The following ROBO1 variants were observed in gnomAD, a reference collection of about 807,000 sequenced individuals.
ROBO1 encodes roundabout guidance receptor 1.
In ROBO1, 149 loss-of-function variants were observed where a neutral mutation model predicts 195.9. That is an observed-to-expected ratio of 0.76 (90% CI 0.67 to 0.87). ROBO1 has a LOEUF of 0.87. Ranked by LOEUF, ROBO1 falls within the 40% of genes least tolerant of loss-of-function variation. ROBO1 has a pLI of 0.00. For missense variants in ROBO1, 1,933 were observed against 2,068.3 expected (o/e 0.93, Z 1.27); for synonymous variants, 816 against 733.2 (o/e 1.11, Z -1.82).
chr3:78,747,703 G>T (rs1013704868), intron 4 of ROBO1, among the ~76,000 whole-genome samples: 47 of 152,170 alleles, frequency 3.1e-4, no homozygotes, highest in African/African-American at 1.0e-3. Flanking sequence ...ATTCACTATT[G>T]TAATTTCAAC....
chr3:79,054,039 T>C (rs2078755639), intron 3 of ROBO1, among the ~76,000 whole-genome samples: 1 of 152,126 alleles, frequency 6.6e-6, no homozygotes, highest in Non-Finnish European at 1.5e-5. Flanking sequence ...CTGGGACCTT[T>C]TGGCAAAAGC....
chr3:78,645,999 C>A, intron 21 of ROBO1, 149 bp downstream of exon 21: 1 of 660,872 alleles, frequency 1.5e-6, no homozygotes, highest in Non-Finnish European at 2.6e-6. Flanking sequence ...CTTGTTTCAA[C>A]AGCATAGCTG....
chr3:79,401,819 A>G (rs1289595424), intron 2 of ROBO1, among the ~76,000 whole-genome samples: 1 of 151,850 alleles, frequency 6.6e-6, no homozygotes, highest in East Asian at 1.9e-4. Flanking sequence ...TATAACCATA[A>G]AAATAAAATG....
rs570477410 is a variant in ROBO1 at position 79,057,935 on chromosome 3, C to G, written c.172+67521G>C. Among the ~76,000 whole-genome samples the G allele has an allele frequency of 3.9e-5, 6 of 152,134 alleles. No homozygotes were observed. The South Asian group carries it at 1.2e-3, about 32-fold the overall frequency. ...GTTACTATGGGTTACAGATACCCCC[C>G]TCTGTGCCTCAGACATGCACCTGGT... is the stretch of plus-strand genomic sequence containing the variant. On this transcript the variant is annotated intron_variant, in intron 3 of 30. Transcript: ENST00000464233.
At chr3:79,040,013 G>T (rs2078455671) in intron 3 of ROBO1, among the ~76,000 whole-genome samples, 1 of 151,976 alleles carries the variant, frequency 6.6e-6, no homozygotes, top group Non-Finnish European at 1.5e-5. Flanking sequence ...CTTTGACATG[G>T]TTGTCTTTCT....
intron 4 of ROBO1, among the ~76,000 whole-genome samples, chr3:78,816,422 A>G (rs1377419622): frequency 2.6e-5 from 4 of 152,140 alleles, no homozygotes. Context: ...ATTTGCTAAC[A>G]CAACACCCAT....
At chr3:78,817,630 G>A (rs1008130628) in intron 4 of ROBO1, among the ~76,000 whole-genome samples, 1 of 152,070 alleles carries the variant, frequency 6.6e-6, no homozygotes, top group African/African-American at 2.4e-5. Flanking sequence ...AAAAAAATCA[G>A]AAAATTAAGA....
chr3:79,482,650 A>G (rs1264145473), intron 2 of ROBO1, among the ~76,000 whole-genome samples: 6 of 152,212 alleles, frequency 3.9e-5, no homozygotes, highest in Non-Finnish European at 5.9e-5. Context: ...CATATAAATA[A>G]TAATAAGGAT....
intron 3 of ROBO1, among the ~76,000 whole-genome samples, chr3:79,101,337 A>C (rs959363928): frequency 6.6e-6 from 1 of 151,828 alleles, no homozygotes; most frequent in African/African-American, 2.4e-5. Context: ...TCTTATTAAC[A>C]ATTTGTGATT....
chr3:79,753,650 T>G (rs949173423), intron 1 of ROBO1, among the ~76,000 whole-genome samples: 3 of 152,138 alleles, frequency 2.0e-5, no homozygotes, highest in African/African-American at 4.8e-5. Context: ...GTTGAAGTCA[T>G]AGATGTAAAG....
At chr3:79,063,505 C>T (rs1260829784) in intron 3 of ROBO1, among the ~76,000 whole-genome samples, 1 of 58,498 alleles carries the variant, frequency 1.7e-5, no homozygotes, top group Non-Finnish European at 3.3e-5. Context: ...AGAGTTTTCT[C>T]ATTCCAAAAA....
In ROBO1 at chr3:79,346,132, C is replaced by T. The variant is rs374173064; in HGVS notation, c.89-220593G>A. ...ACTGTCACTGAATTTACTTTCTTGA[C>T]TTTGATGTAGATTGCTCTATATTGC... On this transcript the variant is annotated intron_variant, in intron 2 of 30. Coordinates refer to ENST00000464233, the MANE Select transcript of ROBO1 (RefSeq NM_002941.4). Among the ~76,000 whole-genome samples, 339 of 152,208 alleles carry T rather than the reference C, an allele frequency of 2.2e-3. 1 individual carries two copies. The highest frequency in any genetic ancestry group is 7.1e-3 in the African/African-American group (297 of 41,552).
chr3:79,340,369 G>A (rs1003739270), intron 2 of ROBO1, among the ~76,000 whole-genome samples: 1 of 152,092 alleles, frequency 6.6e-6, no homozygotes, highest in African/African-American at 2.4e-5. Context: ...TCTTTCTTGG[G>A]TATTAGCCTT....
At chr3:79,502,240 T>C (rs1255655535) in intron 2 of ROBO1, among the ~76,000 whole-genome samples, 1 of 152,096 alleles carries the variant, frequency 6.6e-6, no homozygotes, top group Non-Finnish European at 1.5e-5. Context: ...TCCCTCAGCT[T>C]GCGGGGAGGT....
intron 2 of ROBO1, among the ~76,000 whole-genome samples, chr3:79,518,017 C>T (rs916342648): frequency 3.3e-4 from 50 of 152,026 alleles, no homozygotes; most frequent in Non-Finnish European, 6.6e-4. Flanking sequence ...GGTAAGAGAG[C>T]GGAAGGAATG....
chr3:79,418,580 AC>A (rs916604683), intron 2 of ROBO1, among the ~76,000 whole-genome samples: 26 of 152,178 alleles, frequency 1.7e-4, no homozygotes, highest in African/African-American at 6.3e-4. Flanking sequence ...AATAAAGCAA[AC>A]TGTTTTATGC....
intron 4 of ROBO1, among the ~76,000 whole-genome samples, chr3:78,852,811 A>G (rs181937021): frequency 2.2e-4 from 34 of 152,314 alleles, no homozygotes; most frequent in Admixed American, 3.9e-4. Flanking sequence ...TGACAAACAC[A>G]GTTTCAAAGG....
intron 2 of ROBO1, among the ~76,000 whole-genome samples, chr3:79,582,500 T>C (rs1943693359): frequency 1.3e-5 from 2 of 152,052 alleles, no homozygotes; most frequent in South Asian, 4.1e-4. Flanking sequence ...CAAGATTGAC[T>C]ATCTCATTGA....
intron 10 of ROBO1, among the ~76,000 whole-genome samples, chr3:78,684,567 A>G (rs1221135663): frequency 6.6e-6 from 1 of 152,162 alleles, no homozygotes; most frequent in Admixed American, 6.5e-5. Context: ...GAGAAACAGT[A>G]TTCTAGCAAC....
Sources: allele counts gnomAD v4.1 joint callset (sites outside exome capture counted in the v4.1 genomes callset), GRCh38; gene constraint gnomAD v4.1.1; transcripts MANE v1.5; gene names NCBI Gene and HGNC (gene_info 2026-07-23, HGNC 2026-07-21).